TIAM1: variants seen among roughly 807,000 people sequenced by gnomAD.
The protein encoded by TIAM1 is TIAM Rac1 associated GEF 1.
Under a neutral mutation model 163.5 loss-of-function variants are expected in TIAM1, and 65 were observed. That is an observed-to-expected ratio of 0.40 (90% CI 0.33 to 0.49). TIAM1 has a LOEUF of 0.49. TIAM1 is among the 20% of genes least tolerant of loss of function. The probability of loss-of-function intolerance (pLI) is 0.77; values close to 1 mark genes in which losing one functional copy is unlikely to be tolerated. For synonymous variants in TIAM1, 833 were observed against 810.1 expected (o/e 1.03, Z -0.48); for missense variants, 1,789 against 2,044.7 (o/e 0.87, Z 2.41).
At chr21:31,125,786 G>A (rs750937963) in intron 26 of TIAM1, among the ~76,000 whole-genome samples, 1 of 152,170 alleles carries the variant, frequency 6.6e-6, no homozygotes, top group Non-Finnish European at 1.5e-5. Flanking sequence ...TGTTGGCCAG[G>A]CTGGCCTCGA....
At chr21:31,300,242 C>A (rs1244794741) in intron 2 of TIAM1, among the ~76,000 whole-genome samples, 1 of 152,212 alleles carries the variant, frequency 6.6e-6, no homozygotes, top group Non-Finnish European at 1.5e-5. Context: ...TTCCTAAGGT[C>A]TCCCCAGAAG....
chr21:31,397,963 T>G (rs1262618971), intron 2 of TIAM1, among the ~76,000 whole-genome samples: 1 of 151,932 alleles, frequency 6.6e-6, no homozygotes, highest in East Asian at 1.9e-4. Context: ...CTAAGCAAGC[T>G]TCAGCCTGCC....
intron 27 of TIAM1, among the ~76,000 whole-genome samples, chr21:31,122,077 AC>A (rs1394681582): frequency 6.6e-6 from 1 of 152,164 alleles, no homozygotes; most frequent in Non-Finnish European, 1.5e-5. Flanking sequence ...CCCAGCAGGC[AC>A]AGGGTTAGAG....
At chr21:31,161,803 A>G (rs1175588683) in intron 16 of TIAM1, among the ~76,000 whole-genome samples, 1 of 152,216 alleles carries the variant, frequency 6.6e-6, no homozygotes, top group Non-Finnish European at 1.5e-5. Context: ...GAGTTTAGAC[A>G]GCTAACGATT....
At chr21:31,294,199 TC>T (rs2074143062) in intron 2 of TIAM1, among the ~76,000 whole-genome samples, 1 of 152,118 alleles carries the variant, frequency 6.6e-6, no homozygotes. Flanking sequence ...TTCAACAGCC[TC>T]CCACTCCCTG....
At chr21:31,384,302 C>G (rs1300369015) in intron 2 of TIAM1, among the ~76,000 whole-genome samples, 1 of 142,274 alleles carries the variant, frequency 7.0e-6, no homozygotes, top group Admixed American at 7.5e-5. Flanking sequence ...GGAAGATACC[C>G]AAATTAAAAA....
intron 6 of TIAM1, among the ~76,000 whole-genome samples, chr21:31,231,700 G>A (rs371684294): frequency 3.3e-5 from 5 of 152,050 alleles, no homozygotes; most frequent in African/African-American, 7.2e-5. Flanking sequence ...AATGGGGACC[G>A]CATTTAAGCT....
intron 1 of TIAM1, among the ~76,000 whole-genome samples, chr21:31,521,971 A>G (rs2047612112): frequency 6.6e-6 from 1 of 152,050 alleles, no homozygotes; most frequent in East Asian, 2.0e-4. Context: ...TCCCGGGTTC[A>G]GGCCATTCTC....
intron 26 of TIAM1, among the ~76,000 whole-genome samples, chr21:31,126,534 TC>T (rs1441561376): frequency 4.6e-5 from 7 of 152,036 alleles, no homozygotes; most frequent in Admixed American, 3.9e-4. Flanking sequence ...GCCACTGCAC[TC>T]CAGCCTGGGC....
chr21:31,351,139 T>C (rs1206710273), intron 2 of TIAM1, among the ~76,000 whole-genome samples: 1 of 152,228 alleles, frequency 6.6e-6, no homozygotes, highest in Admixed American at 6.5e-5. Flanking sequence ...GACAAACCTG[T>C]ATCTCAAAAT....
At chr21:31,379,648 T>C (rs1310812636) in intron 2 of TIAM1, among the ~76,000 whole-genome samples, 2 of 151,940 alleles carry the variant, frequency 1.3e-5, no homozygotes, top group African/African-American at 4.8e-5. Context: ...AATGAGTGGA[T>C]AAATAAAATA....
intron 1 of TIAM1, among the ~76,000 whole-genome samples, chr21:31,535,433 C>T (rs959677739): frequency 1.4e-5 from 2 of 142,830 alleles, no homozygotes; most frequent in Non-Finnish European, 3.0e-5. Context: ...AGTTCTTGTT[C>T]CAATTTTTTC....
rs60592178 is a variant in TIAM1 at position 31,387,195 on chromosome 21, CTTTTT to C, written c.-368-47778_-368-47774del. 2.1e-3 allele frequency among the ~76,000 whole-genome samples: 156 copies of C among 75,162 alleles called. 1 individual carries two copies. The highest frequency in any genetic ancestry group is 7.5e-3 in the African/African-American group (134 of 17,838). The allele number at this position is 75,162 out of a possible 152,430, so 49.3% of individuals were successfully genotyped here. On this transcript the variant is annotated intron_variant, in intron 2 of 28. Coordinates refer to the TIAM1 transcript ENST00000286827. ...GCTTTTGTTTGTAGAAGCTTATTCTCTTTTTTTTTTTTTTTTTTTTTTTTTGGAGG... is the reference window on the plus strand; with the variant it reads ...GCTTTTGTTTGTAGAAGCTTATTCTCTTTTTTTTTTTTTTTTTTTTGGAGG...
At chr21:31,475,132 G>C (rs1267221089) in intron 1 of TIAM1, among the ~76,000 whole-genome samples, 1 of 151,460 alleles carries the variant, frequency 6.6e-6, no homozygotes, top group Non-Finnish European at 1.5e-5. Context: ...GCTCACTGCA[G>C]CATCGACCTC....
chr21:31,187,642 A>G (rs1267397915), intron 13 of TIAM1, among the ~76,000 whole-genome samples: 1 of 152,210 alleles, frequency 6.6e-6, no homozygotes, highest in African/African-American at 2.4e-5. Context: ...CTCTAGCAGT[A>G]TCTGATCATA....
At chr21:31,319,734 C>T (rs545055585) in intron 2 of TIAM1, among the ~76,000 whole-genome samples, 1 of 145,332 alleles carries the variant, frequency 6.9e-6, no homozygotes, top group Non-Finnish European at 1.5e-5. Flanking sequence ...GAGCCGAGAT[C>T]GCACCACCAC....
intron 14 of TIAM1, among the ~76,000 whole-genome samples, chr21:31,183,378 C>T (rs768958453): frequency 4.6e-5 from 7 of 152,088 alleles, no homozygotes; most frequent in Non-Finnish European, 1.0e-4. Context: ...CAAACTCGCA[C>T]TGGAAGAACA....
At chr21:31,551,152 T>C (rs565471613) in intron 1 of TIAM1, among the ~76,000 whole-genome samples, 25 of 152,074 alleles carry the variant, frequency 1.6e-4, no homozygotes, top group Non-Finnish European at 1.5e-5. Context: ...AGGCAGAGGT[T>C]GCAGTGAGCC....
At chr21:31,324,656 A>G (rs575380262) in intron 2 of TIAM1, among the ~76,000 whole-genome samples, 96 of 152,246 alleles carry the variant, frequency 6.3e-4, no homozygotes, top group Non-Finnish European at 1.2e-3. Flanking sequence ...AACCTTTCAG[A>G]CAGCTGCCTC....
Sources: gnomAD v4.1 joint callset for allele counts (sites outside exome capture counted in the v4.1 genomes callset) on GRCh38, gnomAD v4.1.1 for gene constraint, MANE v1.5 for transcripts, NCBI Gene and HGNC (gene_info 2026-07-23, HGNC 2026-07-21) for gene names.